Variants in CACNB3 observed in about 807,000 individuals in gnomAD.
CACNB3 encodes the protein voltage-dependent L-type calcium channel subunit beta-3.
Under a neutral mutation model 63.7 loss-of-function variants are expected in CACNB3, and 36 were observed. That is an observed-to-expected ratio of 0.57 (90% CI 0.43 to 0.75). The LOEUF (loss-of-function observed/expected upper bound fraction) is 0.75. CACNB3 is among the 30% of genes least tolerant of loss of function. The pLI is 0.00. For missense variants in CACNB3, 493 were observed against 648.6 expected (o/e 0.76, Z 2.61); for synonymous variants, 241 against 250.6 (o/e 0.96, Z 0.36).
At position 48,823,285 on chromosome 12, in the gene CACNB3, T is replaced by C. The variant is rs964772359; in HGVS notation, c.46-59T>C. 1.1e-5 allele frequency: 17 copies of C among 1,588,286 alleles called. No homozygotes were observed. The highest frequency in any genetic ancestry group is 1.4e-5 in the Non-Finnish European group (16 of 1,167,266). On this transcript the variant is annotated intron_variant, in intron 1 of 12. Coordinates refer to ENST00000301050, the MANE Select transcript of CACNB3 (RefSeq NM_000725.4). This position sits in a 1 kb window ranked among gnomAD's most constrained non-coding sequence, Gnocchi z 4.2. ...AGGCAACACTGTAAGGTGAGGAGGG[T>C]GCCTCCATGGCATCCTTCATGCCGG...
rs1056783830 is a variant in CACNB3, at chr12:48,825,859, C to G, written c.742+90C>G. Reference sequence around the variant, plus strand: ...TTTTCTTTTTTTTGAGATGGAGTCTCGCTCTGTCACCTAGGCTGGAGTGCA... The same window carrying G: ...TTTTCTTTTTTTTGAGATGGAGTCTGGCTCTGTCACCTAGGCTGGAGTGCA... On this transcript the variant is annotated intron_variant, in intron 9 of 12. Coordinates refer to ENST00000301050, the MANE Select transcript of CACNB3 (RefSeq NM_000725.4). The surrounding 1 kb of genome is among the most constrained non-coding windows in gnomAD (Gnocchi z 4.5). The G allele has an allele frequency of 1.4e-5, 12 of 855,746 alleles. No individual in the cohort carries two copies. Among genetic ancestry groups the G allele is most frequent in the Admixed American group, 1.0e-4 (5 of 48,228 alleles). 53.0% of individuals were successfully genotyped at this position (855,746 alleles called of 1,614,324 possible).
chr12:48,828,344 G>A lies in CACNB3; in HGVS notation c.*445G>A. On this transcript the variant is annotated 3_prime_UTR_variant, in exon 13 of 13. Coordinates refer to ENST00000301050, the MANE Select transcript of CACNB3 (RefSeq NM_000725.4). ...CAGGCACAAGTCCTGACAGTCAAGG[G>A]ACTGCTTTGGCATCCAGGGCCTCCA... 1 of 309,688 alleles carries A rather than the reference G, an allele frequency of 3.2e-6. No homozygotes were observed. Among genetic ancestry groups the A allele is most frequent in the South Asian group, 3.1e-5 (1 of 32,650 alleles). The allele number at this position is 309,688 out of a possible 1,614,324, so 19.2% of individuals were successfully genotyped here.
intron 4 of CACNB3, 130 bp from the exon 5 acceptor site, chr12:48,824,539 A>T (rs1362083590): frequency 1.9e-6 from 2 of 1,058,900 alleles, no homozygotes; most frequent in Non-Finnish European, 2.8e-6. Context: ...ACACACACAC[A>T]TATTGCATGT....
upstream of CACNB3, among the ~76,000 whole-genome samples, chr12:48,816,064 A>G (rs1260097652): frequency 6.6e-6 from 1 of 152,182 alleles, no homozygotes; most frequent in African/African-American, 2.4e-5. Flanking sequence ...CCAGAATGGT[A>G]GGGGCCTCCA....
In CACNB3 at chr12:48,818,876, C is replaced by A; in HGVS notation, c.-54C>A. Reference sequence around the variant, plus strand: ...CGCGGCCCGCAGTCCTTGCCCCTGCCTCCGGGCCGCTCCCGCCCCCGGCGC... The same window carrying A: ...CGCGGCCCGCAGTCCTTGCCCCTGCATCCGGGCCGCTCCCGCCCCCGGCGC... On this transcript the variant is annotated 5_prime_UTR_variant, in exon 1 of 13. Transcript: ENST00000301050. This position sits in a 1 kb window ranked among gnomAD's most constrained non-coding sequence, Gnocchi z 4.3. The A allele has an allele frequency of 6.5e-7, 1 of 1,537,384 alleles. No individual in the cohort carries two copies. The highest frequency in any genetic ancestry group is 8.8e-7 in the Non-Finnish European group (1 of 1,140,992).
chr12:48,815,582 A>G, upstream of CACNB3: 5 of 1,510,348 alleles, frequency 3.3e-6, no homozygotes, highest in Non-Finnish European at 3.5e-6. Context: ...GCGTGGGGCG[A>G]GGCCAGGCGT....
At position 48,825,042 on chromosome 12, in the gene CACNB3, TG is replaced by T; in HGVS notation, c.492+75del. 2 of 1,593,888 alleles carry T rather than the reference TG, an allele frequency of 1.3e-6. No homozygotes were observed. Among genetic ancestry groups the T allele is most frequent in the Non-Finnish European group, 1.7e-6 (2 of 1,161,964 alleles). ...TGGGGACAGTGTTCTAGGCAGTCAT[TG>T]TTGGAGGGCAGAACAGAGAGGGGAG... On this transcript the variant is annotated intron_variant, in intron 6 of 12. Coordinates refer to ENST00000301050, the MANE Select transcript of CACNB3 (RefSeq NM_000725.4). This position sits in a 1 kb window ranked among gnomAD's most constrained non-coding sequence, Gnocchi z 4.5.
intron 4 of CACNB3, 31 bp from the exon 5 acceptor site, chr12:48,824,634 TTCTC>T (rs753571647): frequency 3.6e-5 from 56 of 1,548,450 alleles, no homozygotes; most frequent in Middle Eastern, 3.4e-4. Flanking sequence ...AGACACATTC[TTCTC>T]TCTCTCTCTT....
chr12:48,814,691 A>G, upstream of CACNB3: 4 of 939,422 alleles, frequency 4.3e-6, no homozygotes, highest in Non-Finnish European at 6.1e-6. The surrounding 1 kb of genome is among the most constrained non-coding windows in gnomAD (Gnocchi z 6.9). Context: ...AAGGAGGGGG[A>G]GAGGGGTTCG....
At position 48,826,534 on chromosome 12, in the gene CACNB3, T is replaced by C; in HGVS notation, c.894+16T>C. 1 of 1,613,544 alleles carries C rather than the reference T, an allele frequency of 6.2e-7. No individual in the cohort carries two copies. The highest frequency in any genetic ancestry group is 8.5e-7 in the Non-Finnish European group (1 of 1,179,714). ...CTCACCAAAGGTAAGTCAGCTGGGC[T>C]CATGGAGGAGGCCCACAGGGCTATC... On this transcript the variant is annotated intron_variant, in intron 10 of 12. Transcript: ENST00000301050. This position sits in a 1 kb window ranked among gnomAD's most constrained non-coding sequence, Gnocchi z 4.8.
Position 48,825,021 on chromosome 12 carries a change from G to A in CACNB3, c.492+53G>A. ...GGGGATCATGGCTTATGGCTCTGGG[G>A]ACAGTGTTCTAGGCAGTCATTGTTG... is the stretch of plus-strand genomic sequence containing the variant. On this transcript the variant is annotated intron_variant, in intron 6 of 12. Coordinates refer to ENST00000301050, the MANE Select transcript of CACNB3 (RefSeq NM_000725.4). The surrounding 1 kb of genome is among the most constrained non-coding windows in gnomAD (Gnocchi z 4.5). 1 of 1,572,672 alleles carries A rather than the reference G, an allele frequency of 6.4e-7. No individual in the cohort carries two copies. Among genetic ancestry groups the A allele is most frequent in the South Asian group, 1.1e-5 (1 of 90,298 alleles).
At chr12:48,821,606 T>C (rs1937853958) in intron 1 of CACNB3, 1 of 152,240 alleles carries the variant, frequency 6.6e-6, no homozygotes, top group Admixed American at 6.5e-5. Flanking sequence ...AATGTATCTG[T>C]ACCAAAGCGA....
At chr12:48,818,146 T>C (rs957749676), upstream of CACNB3, among the ~76,000 whole-genome samples, 4 of 152,200 alleles carry the variant, frequency 2.6e-5, no homozygotes, top group African/African-American at 9.6e-5. The surrounding 1 kb of genome is among the most constrained non-coding windows in gnomAD (Gnocchi z 4.3). Flanking sequence ...CGGGGTTTGC[T>C]TTCGGAGCCT....
In CACNB3 at chr12:48,825,269, G is replaced by A. The variant is rs1160967232; in HGVS notation, c.573+26G>A. 2 of 1,608,082 alleles carry A rather than the reference G, an allele frequency of 1.2e-6. No homozygotes were observed. Among genetic ancestry groups the A allele is most frequent in the Non-Finnish European group, 1.7e-6 (2 of 1,175,228 alleles). ...GTGAGAGGAGGTCCTTGACCCCAAAGAGTCACCTCTACCAAGCCTGCCACA... is the reference window on the plus strand; with the variant it reads ...GTGAGAGGAGGTCCTTGACCCCAAAAAGTCACCTCTACCAAGCCTGCCACA... On this transcript the variant is annotated intron_variant, in intron 7 of 12. Transcript: ENST00000301050. This position sits in a 1 kb window ranked among gnomAD's most constrained non-coding sequence, Gnocchi z 4.5.
Position 48,827,850 on chromosome 12 carries a change from G to C in CACNB3, c.1406G>C (p.Ser469Thr). The C allele has an allele frequency of 6.2e-7, 1 of 1,614,130 alleles. No homozygotes were observed. Among genetic ancestry groups the C allele is most frequent in the Non-Finnish European group, 8.5e-7 (1 of 1,180,018 alleles). ...LLAQDSEHNHSDRNWQRNRPW... is the reference protein window; with the variant it reads ...LLAQDSEHNHTDRNWQRNRPW... The stretch of plus-strand genomic sequence containing the variant: ...GCCCAGGACTCAGAGCACAACCACA[G>C]TGACCGGAACTGGCAGCGCAACCGG... The change falls in exon 13 of 13, where the codon AGT becomes ACT. Residue 469 changes from serine to threonine, a missense_variant. Physicochemically the swap from Ser to Thr is moderately conservative, Grantham distance 58. Coordinates refer to ENST00000301050, the MANE Select transcript of CACNB3 (RefSeq NM_000725.4).
upstream of CACNB3, among the ~76,000 whole-genome samples, chr12:48,818,191 G>T (rs1178975943): frequency 1.3e-5 from 2 of 152,018 alleles, no homozygotes; most frequent in Non-Finnish European, 2.9e-5. The surrounding 1 kb of genome is among the most constrained non-coding windows in gnomAD (Gnocchi z 4.3). Flanking sequence ...CCCTGCTGTC[G>T]CCTGGGACCC....
chr12:48,825,930 G>T lies in CACNB3; in HGVS notation c.742+161G>T, dbSNP rs1196145480. Among the ~76,000 whole-genome samples the T allele has an allele frequency of 6.6e-6, 1 of 151,936 alleles. No individual in the cohort carries two copies. Among genetic ancestry groups the T allele is most frequent in the African/African-American group, 2.4e-5 (1 of 41,336 alleles). On this transcript the variant is annotated intron_variant, in intron 9 of 12. Transcript: ENST00000301050. This position sits in a 1 kb window ranked among gnomAD's most constrained non-coding sequence, Gnocchi z 4.5. Reference sequence around the variant, plus strand: ...TGCAACCTCCACCTCCTGGGTTCAAGCGATCTTCCCATCTCAGCCTCCTGA... The same window carrying T: ...TGCAACCTCCACCTCCTGGGTTCAATCGATCTTCCCATCTCAGCCTCCTGA...
rs1436307299 is a variant in CACNB3, at chr12:48,824,254, C to T, written c.292-4C>T. ...CCACCCCTTCCTGCTCCACCTGCCC[C>T]CAGAAGTACAGCAATGACTGGTGGA... is the stretch of plus-strand genomic sequence containing the variant. On this transcript the variant is annotated splice_polypyrimidine_tract_variant and splice_region_variant and intron_variant, in intron 3 of 12. Coordinates refer to ENST00000301050, the MANE Select transcript of CACNB3 (RefSeq NM_000725.4). 21 of 1,609,634 alleles carry T rather than the reference C, an allele frequency of 1.3e-5. No homozygotes were observed. The highest frequency in any genetic ancestry group is 1.7e-5 in the Admixed American group (1 of 59,560).
chr12:48,817,572 C>A (rs565189089), upstream of CACNB3, among the ~76,000 whole-genome samples: 2 of 152,152 alleles, frequency 1.3e-5, no homozygotes, highest in Non-Finnish European at 2.9e-5. Flanking sequence ...AAGGAAAGAG[C>A]TCAAATGGGT....
Sources: gnomAD v4.1 joint callset for allele counts (sites outside exome capture counted in the v4.1 genomes callset) on GRCh38, gnomAD v4.1.1 for gene constraint, Gnocchi (gnomAD v3.1) non-coding constraint, MANE v1.5 for transcripts, NCBI Gene and HGNC (gene_info 2026-07-23, HGNC 2026-07-21) for gene names.